INTS6: variants seen among roughly 807,000 people sequenced by gnomAD.
INTS6 encodes the protein integrator complex subunit 6.
In INTS6, 16 loss-of-function variants were observed where a neutral mutation model predicts 104.9. The observed-to-expected ratio is 0.15, with a 90% CI of 0.10 to 0.23. The LOEUF (loss-of-function observed/expected upper bound fraction) is 0.23, where lower values mean the gene tolerates loss of function less well. Among genes scored for constraint, INTS6 ranks in the 10% least tolerant of loss-of-function variants. The probability of loss-of-function intolerance (pLI) is 1.00; values close to 1 mark genes in which losing one functional copy is unlikely to be tolerated. For missense variants in INTS6, 584 were observed against 1,062.8 expected (o/e 0.55, Z 6.26); for synonymous variants, 324 against 358.7 (o/e 0.90, Z 1.09).
At chr13:51,373,975 C>T (rs1297254102) in intron 15 of INTS6, among the ~76,000 whole-genome samples, 1 of 152,096 alleles carries the variant, frequency 6.6e-6, no homozygotes, top group Non-Finnish European at 1.5e-5. Flanking sequence ...GAAAGATTTG[C>T]AAATGTATGT....
At chr13:51,405,144 G>A (rs991952359) in intron 4 of INTS6, among the ~76,000 whole-genome samples, 2 of 152,166 alleles carry the variant, frequency 1.3e-5, no homozygotes, top group African/African-American at 2.4e-5. Context: ...AATGAAGAGT[G>A]AAGATCATGA....
At position 51,387,442 on chromosome 13, in the gene INTS6, T is replaced by C. The variant is rs767117620; in HGVS notation, c.838A>G (p.Ile280Val). ...VRPNPKTGVP[I>V]GHWPVPESFW... ...GACTCTGGAACAGGCCAATGACCTATAGGAACCCCAGTTTTAGGATTTGGT... is the reference window on the plus strand; with the variant it reads ...GACTCTGGAACAGGCCAATGACCTACAGGAACCCCAGTTTTAGGATTTGGT... Residue 280 changes from isoleucine to valine, a missense_variant, in exon 7 of 18, where the codon ATA becomes GTA. By Grantham distance (29) the Ile-to-Val change is conservative (BLOSUM62 3). Coordinates refer to ENST00000311234, the MANE Select transcript of INTS6 (RefSeq NM_012141.3). 5.0e-6 allele frequency: 8 copies of C among 1,613,882 alleles called. No individual in the cohort carries two copies. Among genetic ancestry groups the C allele is most frequent in the Non-Finnish European group, 6.8e-6 (8 of 1,179,862 alleles).
chr13:51,345,759 A>C, the INTS6 span, among the ~76,000 whole-genome samples: 1 of 152,206 alleles, frequency 6.6e-6, no homozygotes, highest in Non-Finnish European at 1.5e-5. Context: ...ATGTCTTTTC[A>C]ATTTACTTAA....
At chr13:51,345,103 A>G in the INTS6 span, among the ~76,000 whole-genome samples, 1 of 152,226 alleles carries the variant, frequency 6.6e-6, no homozygotes, top group African/African-American at 2.4e-5. Context: ...TAGTTTATTT[A>G]GTTAGCACTG....
chr13:51,341,061 C>T, the INTS6 span: 6 of 1,606,980 alleles, frequency 3.7e-6, no homozygotes, highest in Non-Finnish European at 5.1e-6. Context: ...GCATCTCTTC[C>T]CTCTGAATTG....
chr13:51,344,116 CT>C, the INTS6 span: 1 of 674,294 alleles, frequency 1.5e-6, no homozygotes, highest in South Asian at 1.8e-5. Flanking sequence ...TTCAAACTGG[CT>C]TTGTATGGTA....
Position 51,382,119 on chromosome 13 carries a change from G to C in INTS6, c.1185C>G (p.Asp395Glu). 6.2e-7 allele frequency: 1 copy of C among 1,600,918 alleles called. No individual in the cohort carries two copies. The highest frequency in any genetic ancestry group is 8.5e-7 in the Non-Finnish European group (1 of 1,169,740). The change falls in exon 10 of 18, where the codon GAC (aspartate) becomes GAG (glutamate). Residue 395 changes from aspartate (D) to glutamate (E), a missense_variant. This residue lies in a region of INTS6 where 144 missense variants were observed against 348.7 expected (regional missense o/e 0.41). Coordinates refer to ENST00000311234, the MANE Select transcript of INTS6 (RefSeq NM_012141.3). ...NYPVLLPLLD[D>E]LFKVHKAKPT... is the part of the protein sequence containing the mutation. ...GTTTTGCTTTATGCACTTTAAACAA[G>C]TCATCTAGAAACGTATAATGTGAAC...
Position 51,364,072 on chromosome 13 carries a change from T to C in INTS6, c.*1680A>G. ...CAGACAATATATTCTGGATTTTGTG[T>C]AACTCTCAATGAATTTAGCAATGTG... On this transcript the variant is annotated 3_prime_UTR_variant, in exon 18 of 18. Coordinates refer to ENST00000311234, the MANE Select transcript of INTS6 (RefSeq NM_012141.3). The C allele has an allele frequency of 2.5e-6, 1 of 396,914 alleles. No individual in the cohort carries two copies. The highest frequency in any genetic ancestry group is 4.4e-6 in the Non-Finnish European group (1 of 225,390). 24.6% of individuals were successfully genotyped at this position (396,914 alleles called of 1,614,324 possible). A position where few individuals can be genotyped will look rare whatever the true frequency, so the allele number is the denominator to read the frequency against.
the INTS6 span, chr13:51,344,179 T>C: frequency 5.7e-6 from 6 of 1,046,696 alleles, no homozygotes; most frequent in Middle Eastern, 2.0e-4. Context: ...CTCAATGCAA[T>C]GTGTGCTGGA....
chr13:51,358,465 C>T (rs1043495302), downstream of INTS6, among the ~76,000 whole-genome samples: 11 of 152,138 alleles, frequency 7.2e-5, no homozygotes, highest in Non-Finnish European at 1.6e-4. Flanking sequence ...CTGAAACAAT[C>T]ATTTGGCTGA....
At chr13:51,438,178 T>C (rs947176201) in intron 3 of INTS6, 1 of 152,174 alleles carries the variant, frequency 6.6e-6, no homozygotes, top group Admixed American at 6.5e-5. Context: ...ACACAGTACA[T>C]GTACAGGAGT....
chr13:51,437,032 T>G (rs187703114), intron 3 of INTS6: 1 of 152,178 alleles, frequency 6.6e-6, no homozygotes, highest in Non-Finnish European at 1.5e-5. Flanking sequence ...GTGGGAGGAC[T>G]GCCTGAGGCT....
At chr13:51,361,291 TTA>T (rs1242916368), downstream of INTS6, 6 of 1,609,136 alleles carry the variant, frequency 3.7e-6, no homozygotes, top group South Asian at 5.5e-5. Flanking sequence ...AAGATGGCTT[TTA>T]TGTTTCTGAA....
chr13:51,448,406 C>G (rs1952967672), intron 3 of INTS6: 3 of 152,172 alleles, frequency 2.0e-5, no homozygotes, highest in Admixed American at 2.0e-4. Flanking sequence ...ATAACAATGT[C>G]TGTAGGCATG....
chr13:51,440,386 T>G (rs1163245388), intron 3 of INTS6: 1 of 148,794 alleles, frequency 6.7e-6, no homozygotes, highest in East Asian at 2.2e-4. Flanking sequence ...TTTTAAAACT[T>G]TAGAAGTTTA....
chr13:51,400,103 G>C (rs1956408983), intron 4 of INTS6, among the ~76,000 whole-genome samples: 1 of 152,194 alleles, frequency 6.6e-6, no homozygotes, highest in African/African-American at 2.4e-5. Context: ...AAGGAATCTA[G>C]GTTGTGCGCT....
chr13:51,451,795 C>T (rs980137863), intron 2 of INTS6, among the ~76,000 whole-genome samples, 183 bp downstream of exon 2: 1 of 150,378 alleles, frequency 6.6e-6, no homozygotes, highest in African/African-American at 2.4e-5. Flanking sequence ...CGACTCCGCG[C>T]CGCGCTAGGA....
intron 3 of INTS6, chr13:51,354,945 C>T (rs1004687874): frequency 4.6e-6 from 3 of 655,740 alleles, no homozygotes; most frequent in Admixed American, 2.5e-5. Flanking sequence ...GTGGAGCCAG[C>T]CTGACTTCCA....
rs940771085 is a variant in INTS6 at position 51,361,679 on chromosome 13, T to A, written c.*4073A>T. 5 of 798,742 alleles carry A rather than the reference T, an allele frequency of 6.3e-6. No individual in the cohort carries two copies. In the African/African-American group the frequency reaches 7.0e-5, roughly 11 times the overall value. The allele number at this position is 798,742 out of a possible 1,614,324, so 49.5% of individuals were successfully genotyped here. On this transcript the variant is annotated 3_prime_UTR_variant, in exon 18 of 18. Coordinates refer to ENST00000311234, the MANE Select transcript of INTS6 (RefSeq NM_012141.3). Reference sequence around the variant, plus strand: ...TTTAATTTTCCCATCTGCACCCCCATCACAACAGTAAACAATCAAATGCCA... The same window carrying A: ...TTTAATTTTCCCATCTGCACCCCCAACACAACAGTAAACAATCAAATGCCA...
Sources: allele counts gnomAD v4.1 joint callset (sites outside exome capture counted in the v4.1 genomes callset), GRCh38; gene constraint gnomAD v4.1.1; regional missense constraint gnomAD v4.1.1; transcripts MANE v1.5; gene names NCBI Gene and HGNC (gene_info 2026-07-23, HGNC 2026-07-21).